The following PCBD2 variants were observed in gnomAD, a reference collection of about 807,000 sequenced individuals.
The protein encoded by PCBD2 is pterin-4 alpha-carbinolamine dehydratase 2, also known as pterin-4-alpha-carbinolamine dehydratase 2.
Under a neutral mutation model 16.4 loss-of-function variants are expected in PCBD2, and 12 were observed. The observed-to-expected ratio is 0.73, with a 90% CI of 0.47 to 1.19. The LOEUF (loss-of-function observed/expected upper bound fraction) is 1.19. Ranked by LOEUF, PCBD2 falls within the 50% of genes most tolerant of loss-of-function variation. The probability of loss-of-function intolerance (pLI) is 0.00; values close to 1 mark genes in which losing one functional copy is unlikely to be tolerated. For synonymous variants in PCBD2, 58 were observed against 61.8 expected, an observed-to-expected ratio of 0.94 and a Z score of 0.29; for missense variants, 138 against 156.8, an observed-to-expected ratio of 0.88 and a Z score of 0.64.
At chr5:134,935,363 C>T (rs1193938177) in intron 2 of PCBD2, among the ~76,000 whole-genome samples, 2 of 152,226 alleles carry the variant, frequency 1.3e-5, no homozygotes, top group Admixed American at 6.5e-5. Context: ...ATCCCTTTCC[C>T]TCCTTTATGT....
intron 2 of PCBD2, among the ~76,000 whole-genome samples, chr5:134,949,166 C>T (rs1275003553): frequency 6.6e-6 from 1 of 152,078 alleles, no homozygotes; most frequent in African/African-American, 2.4e-5. Flanking sequence ...CTGAGATGCT[C>T]GCTGACAGAT....
chr5:134,906,194 A>ATTTT lies in PCBD2; in HGVS notation c.84+995_84+998dup, dbSNP rs1158334317. On this transcript the variant is annotated intron_variant, in intron 1 of 3. Coordinates refer to ENST00000254908, the MANE Select transcript of PCBD2 (RefSeq NM_032151.5). ...TGGCCTGAAATTCTTTAATAGAAGA[A>ATTTT]TTTTTTTTTTTTTTTTTTTTTTTTT... Among the ~76,000 whole-genome samples the ATTTT allele has an allele frequency of 3.5e-3, 233 of 66,516 alleles. 31 individuals are homozygous for ATTTT. Among genetic ancestry groups the ATTTT allele is most frequent in the African/African-American group, 0.012 (172 of 14,662 alleles). 43.6% of individuals were successfully genotyped at this position (66,516 alleles called of 152,430 possible).
At chr5:134,942,146 A>T (rs1474328684) in intron 2 of PCBD2, among the ~76,000 whole-genome samples, 2 of 151,534 alleles carry the variant, frequency 1.3e-5, no homozygotes, top group Non-Finnish European at 2.9e-5. Flanking sequence ...AAAAAAAAAA[A>T]AAAAGATTGT....
intron 2 of PCBD2, among the ~76,000 whole-genome samples, chr5:134,935,711 G>A (rs1386034564): frequency 6.6e-6 from 1 of 152,196 alleles, no homozygotes; most frequent in African/African-American, 2.4e-5. Flanking sequence ...TGGAAATTTT[G>A]TGTTTTAAAA....
At chr5:134,944,802 G>A (rs1232786806) in intron 2 of PCBD2, among the ~76,000 whole-genome samples, 1 of 152,202 alleles carries the variant, frequency 6.6e-6, no homozygotes, top group East Asian at 1.9e-4. Context: ...CCTAGAATGA[G>A]GAAATGATAT....
chr5:134,932,123 A>G (rs1047007240), intron 2 of PCBD2, among the ~76,000 whole-genome samples: 2 of 152,198 alleles, frequency 1.3e-5, no homozygotes, highest in African/African-American at 2.4e-5. Context: ...GTGGATACAG[A>G]TGCATAGAAG....
chr5:134,959,304 A>T (rs1751447752), intron 3 of PCBD2, among the ~76,000 whole-genome samples, 184 bp downstream of exon 3: 1 of 152,208 alleles, frequency 6.6e-6, no homozygotes, highest in Non-Finnish European at 1.5e-5. Context: ...AGAACAGTGA[A>T]TAAGCTCTTT....
chr5:134,940,779 A>G (rs1751217005), intron 2 of PCBD2, among the ~76,000 whole-genome samples: 1 of 151,984 alleles, frequency 6.6e-6, no homozygotes, highest in Non-Finnish European at 1.5e-5. Context: ...CTGAGTGTGG[A>G]GGTTGAGTGT....
chr5:134,918,892 T>G (rs1382591258), intron 2 of PCBD2, among the ~76,000 whole-genome samples: 1 of 152,180 alleles, frequency 6.6e-6, no homozygotes, highest in East Asian at 1.9e-4. Context: ...GCCTGAAATG[T>G]TATCATTTGG....
chr5:134,954,680 G>A (rs1210475151), intron 2 of PCBD2, among the ~76,000 whole-genome samples: 1 of 151,790 alleles, frequency 6.6e-6, no homozygotes, highest in Non-Finnish European at 1.5e-5. Context: ...TAAAGTTTTT[G>A]TAGGTATTGC....
At chr5:134,958,298 A>AT (rs111534255) in intron 2 of PCBD2, among the ~76,000 whole-genome samples, 4 of 152,352 alleles carry the variant, frequency 2.6e-5, no homozygotes, top group African/African-American at 9.6e-5. Flanking sequence ...GCTTAACAAA[A>AT]TTGTTTCCAC....
At chr5:134,916,031 G>A (rs1750828818) in intron 2 of PCBD2, among the ~76,000 whole-genome samples, 1 of 152,204 alleles carries the variant, frequency 6.6e-6, no homozygotes, top group African/African-American at 2.4e-5. Context: ...GCTCACGCCT[G>A]TAATCCCAGA....
chr5:134,926,696 TAGG>T, intron 2 of PCBD2: 1 of 396,972 alleles, frequency 2.5e-6, no homozygotes, highest in Non-Finnish European at 4.4e-6. Flanking sequence ...GGTTGAGGGA[TAGG>T]AGGAGGATAG....
intron 2 of PCBD2, among the ~76,000 whole-genome samples, chr5:134,947,851 T>TAA (rs2149539029): frequency 6.6e-6 from 1 of 152,274 alleles, no homozygotes; most frequent in East Asian, 1.9e-4. Flanking sequence ...ATACAATTTT[T>TAA]AAAAGGATTG....
intron 2 of PCBD2, among the ~76,000 whole-genome samples, chr5:134,929,102 T>C (rs1426742819): frequency 6.6e-6 from 1 of 152,036 alleles, no homozygotes; most frequent in Non-Finnish European, 1.5e-5. Context: ...GAAGAAATTA[T>C]AGTGTGAGAA....
At chr5:134,905,263 G>C in intron 1 of PCBD2, 40 bp downstream of exon 1, 1 of 1,218,512 alleles carries the variant, frequency 8.2e-7, no homozygotes, top group African/African-American at 1.6e-5. Context: ...GTCCGGGGTC[G>C]GGGGGCGGTG....
At chr5:134,927,231 A>G in intron 2 of PCBD2, 1 of 398,522 alleles carries the variant, frequency 2.5e-6, no homozygotes, top group Admixed American at 4.4e-5. Flanking sequence ...TGTTATAATT[A>G]TGCCTCACAG....
chr5:134,925,554 C>T (rs5008184), intron 2 of PCBD2: 1 of 398,166 alleles, frequency 2.5e-6, no homozygotes. Flanking sequence ...TGGAGAAGGC[C>T]ACGATTTTTT....
intron 2 of PCBD2, chr5:134,924,138 TTTCTG>T: frequency 5.0e-6 from 2 of 398,012 alleles, no homozygotes; most frequent in Non-Finnish European, 8.9e-6. Context: ...GTATGCTTTA[TTTCTG>T]TTGAGTGTGG....
Sources: allele counts gnomAD v4.1 joint callset (sites outside exome capture counted in the v4.1 genomes callset), GRCh38; gene constraint gnomAD v4.1.1; transcripts MANE v1.5; gene names NCBI Gene and HGNC (gene_info 2026-07-23, HGNC 2026-07-21).